The following C4orf50 variants were observed in gnomAD, a reference collection of about 807,000 sequenced individuals.
The protein encoded by C4orf50 is uncharacterized protein C4orf50.
Under a neutral mutation model 77.2 loss-of-function variants are expected in C4orf50, and 80 were observed. The observed-to-expected ratio is 1.04, with a 90% CI of 0.87 to 1.25. The LOEUF (loss-of-function observed/expected upper bound fraction) is 1.25. C4orf50 is among the 50% of genes most tolerant of loss of function. C4orf50 has a pLI of 0.00. For synonymous variants in C4orf50, 532 were observed against 465.3 expected (o/e 1.14, Z -1.84); for missense variants, 1,257 against 1,152.9 (o/e 1.09, Z -1.31).
intron 7 of C4orf50, among the ~76,000 whole-genome samples, chr4:5,946,963 C>T (rs1239473412): frequency 2.6e-5 from 4 of 152,198 alleles, no homozygotes; most frequent in Non-Finnish European, 5.9e-5. Flanking sequence ...TGATAACACA[C>T]ATGGTGCTCT....
At chr4:5,927,121 G>A (rs539792819) in intron 7 of C4orf50, among the ~76,000 whole-genome samples, 19 of 152,298 alleles carry the variant, frequency 1.2e-4, no homozygotes, top group African/African-American at 4.3e-4. Flanking sequence ...GGAGATGGAG[G>A]TGGCAGAGAA....
At chr4:5,907,182 A>G (rs1716588134) in intron 7 of C4orf50, among the ~76,000 whole-genome samples, 1 of 152,216 alleles carries the variant, frequency 6.6e-6, no homozygotes, top group South Asian at 2.1e-4. Context: ...GGTGGGTGAT[A>G]TCAAACACAA....
At position 6,007,055 on chromosome 4, in the gene C4orf50, A is replaced by G. The variant is rs1722278296; in HGVS notation, c.963+941T>C. On this transcript the variant is annotated intron_variant, in intron 25 of 33. Coordinates refer to ENST00000531445, the Ensembl canonical transcript of C4orf50. This position sits in a 1 kb window ranked among gnomAD's most constrained non-coding sequence, Gnocchi z 4.1. ...TTGTCTAGCGCAGGGCCTGGCTGTC[A>G]GCAGGAACTCATTGGATGTTGGACA... Among the ~76,000 whole-genome samples the G allele has an allele frequency of 6.6e-6, 1 of 152,240 alleles. No individual in the cohort carries two copies. Among genetic ancestry groups the G allele is most frequent in the South Asian group, 2.1e-4 (1 of 4,838 alleles).
intron 25 of C4orf50, among the ~76,000 whole-genome samples, chr4:5,997,004 G>A (rs554871457): frequency 6.6e-6 from 1 of 152,306 alleles, no homozygotes; most frequent in South Asian, 2.1e-4. Flanking sequence ...GAGAAAGAAG[G>A]CATCAAAGAA....
intron 25 of C4orf50, among the ~76,000 whole-genome samples, chr4:5,999,312 C>G (rs1407839546): frequency 6.6e-6 from 1 of 152,190 alleles, no homozygotes; most frequent in Non-Finnish European, 1.5e-5. Context: ...CTTTACCTCC[C>G]TTCCTCAGTG....
At chr4:5,933,919 G>C (rs867456522) in intron 7 of C4orf50, among the ~76,000 whole-genome samples, 9 of 152,236 alleles carry the variant, frequency 5.9e-5, no homozygotes, top group Middle Eastern at 3.4e-3. Context: ...GGTCAGGAGA[G>C]GACGAGACAG....
chr4:5,982,023 C>T (rs918000093), intron 28 of C4orf50, among the ~76,000 whole-genome samples: 3 of 151,826 alleles, frequency 2.0e-5, no homozygotes, highest in African/African-American at 7.3e-5. Flanking sequence ...GGGCATCTCT[C>T]ATAATAAAAT....
In C4orf50 at chr4:5,983,453, C is replaced by T. The variant is rs373343171; in HGVS notation, c.3700-3115G>A. Among the ~76,000 whole-genome samples the T allele has an allele frequency of 5.9e-5, 9 of 152,304 alleles. No individual in the cohort carries two copies. In the East Asian group the frequency reaches 9.7e-4, roughly 16 times the overall value. ...TGTCCTGCCTCAAGGCCTGGCCGCT[C>T]GCTTTTCCCTCTACCTGGAATGCTC... is the stretch of plus-strand genomic sequence containing the variant. On this transcript the variant is annotated intron_variant, in intron 28 of 33. Coordinates refer to ENST00000531445, the Ensembl canonical transcript of C4orf50.
chr4:5,985,577 T>A (rs1286551099), intron 28 of C4orf50, among the ~76,000 whole-genome samples: 1 of 148,556 alleles, frequency 6.7e-6, no homozygotes, highest in Non-Finnish European at 1.5e-5. Context: ...AGAAAAAAAA[T>A]AAATAACAAA....
At chr4:5,948,052 G>C (rs1299316346) in intron 7 of C4orf50, among the ~76,000 whole-genome samples, 1 of 152,160 alleles carries the variant, frequency 6.6e-6, no homozygotes, top group Non-Finnish European at 1.5e-5. Context: ...ATCCACCAAT[G>C]AACCTGCTTT....
exon 28 of C4orf50, chr4:5,989,108 G>T (rs1306211860): frequency 1.1e-5 from 17 of 1,536,040 alleles, no homozygotes; most frequent in Non-Finnish European, 1.5e-5. Flanking sequence ...ACCAGCCTGT[G>T]GTTATCCCGC....
At chr4:5,962,004 T>C (rs986582184) in intron 33 of C4orf50, among the ~76,000 whole-genome samples, 2 of 152,240 alleles carry the variant, frequency 1.3e-5, no homozygotes, top group Non-Finnish European at 2.9e-5. Flanking sequence ...GATACATGGC[T>C]TGCTGTCTGT....
Position 6,007,897 on chromosome 4 carries a change from A to T in C4orf50, c.963+99T>A, listed in dbSNP as rs568053901. The stretch of plus-strand genomic sequence containing the variant: ...GGCAGGGTTAAACGGCTGTAGGAAG[A>T]GGAGCCCGGGGAATGGATGGGCCAA... On this transcript the variant is annotated intron_variant, in intron 25 of 33. Transcript: ENST00000531445. The surrounding 1 kb of genome is among the most constrained non-coding windows in gnomAD (Gnocchi z 4.1). 1.0e-4 allele frequency: 40 copies of T among 398,604 alleles called. No individual in the cohort carries two copies. The highest frequency in any genetic ancestry group is 5.3e-4 in the East Asian group (15 of 28,066). The allele number at this position is 398,604 out of a possible 1,614,324, so 24.7% of individuals were successfully genotyped here.
intron 7 of C4orf50, among the ~76,000 whole-genome samples, chr4:5,910,659 C>G (rs952958745): frequency 2.0e-5 from 3 of 152,176 alleles, no homozygotes; most frequent in African/African-American, 4.8e-5. Context: ...AGTTCCTCAA[C>G]CAATAACCTC....
intron 23 of C4orf50, among the ~76,000 whole-genome samples, chr4:6,016,985 C>T (rs1421711507): frequency 6.6e-6 from 1 of 152,200 alleles, no homozygotes; most frequent in African/African-American, 2.4e-5. Flanking sequence ...TGCTTCCATG[C>T]TGGGTTTCGC....
intron 7 of C4orf50, among the ~76,000 whole-genome samples, chr4:5,936,519 A>T (rs1211244847): frequency 7.1e-6 from 1 of 140,894 alleles, no homozygotes; most frequent in Non-Finnish European, 1.5e-5. Context: ...CCGAGATCGC[A>T]CCACTGCACT....
In C4orf50 at chr4:5,958,947, T is replaced by C. The variant is rs115369372; in HGVS notation, c.*428A>G. On this transcript the variant is annotated 3_prime_UTR_variant, in exon 34 of 34. Transcript: ENST00000531445. This position sits in a 1 kb window ranked among gnomAD's most constrained non-coding sequence, Gnocchi z 5.4. ...ACCCTCGGGCTGTAATTCTTTGCTGTAGGAGGCTGGCCTGGGTATTGTAGG... is the reference window on the plus strand; with the variant it reads ...ACCCTCGGGCTGTAATTCTTTGCTGCAGGAGGCTGGCCTGGGTATTGTAGG... 300 of 168,468 alleles carry C rather than the reference T, an allele frequency of 1.8e-3. 2 individuals are homozygous for C. The highest frequency in any genetic ancestry group is 2.6e-3 in the South Asian group (16 of 6,258). 10.4% of individuals were successfully genotyped at this position (168,468 alleles called of 1,614,324 possible).
At chr4:5,911,522 G>T (rs919148789) in intron 7 of C4orf50, among the ~76,000 whole-genome samples, 1 of 152,198 alleles carries the variant, frequency 6.6e-6, no homozygotes, top group Non-Finnish European at 1.5e-5. Context: ...AGGTAAGCCT[G>T]GTTCCCTGGC....
intron 7 of C4orf50, among the ~76,000 whole-genome samples, chr4:5,945,132 G>A (rs887873544): frequency 6.6e-6 from 1 of 152,168 alleles, no homozygotes; most frequent in African/African-American, 2.4e-5. Context: ...AGGGTTTTGC[G>A]GCCCTTCCTG....
Sources: gnomAD v4.1 joint callset for allele counts (sites outside exome capture counted in the v4.1 genomes callset) on GRCh38, gnomAD v4.1.1 for gene constraint, Gnocchi (gnomAD v3.1) non-coding constraint, MANE v1.5 for transcripts, NCBI Gene and HGNC (gene_info 2026-07-23, HGNC 2026-07-21) for gene names.